LHFPL6: variants seen among roughly 807,000 people sequenced by gnomAD.
LHFPL6 encodes the protein LHFPL tetraspan subfamily member 6.
In LHFPL6, 9 loss-of-function variants were observed where a neutral mutation model predicts 20.6. The observed-to-expected ratio is 0.44, with a 90% CI of 0.26 to 0.76. LHFPL6 has a LOEUF of 0.76. Among genes scored for constraint, LHFPL6 ranks in the 30% least tolerant of loss-of-function variants. The pLI is 0.20. For missense variants in LHFPL6, 218 were observed against 253.5 expected (o/e 0.86, Z 0.95); for synonymous variants, 105 against 98.7 (o/e 1.06, Z -0.38).
intron 2 of LHFPL6, among the ~76,000 whole-genome samples, chr13:39,486,831 G>C (rs1868742663): frequency 6.6e-6 from 1 of 152,198 alleles, no homozygotes; most frequent in Non-Finnish European, 1.5e-5. Flanking sequence ...TAGAACAAGT[G>C]AGTAGCTCTA....
At chr13:39,365,521 T>C (rs1200194836) in intron 3 of LHFPL6, among the ~76,000 whole-genome samples, 1 of 152,170 alleles carries the variant, frequency 6.6e-6, no homozygotes, top group African/African-American at 2.4e-5. Context: ...GAGACTCTTT[T>C]TGGTAAATTA....
At chr13:39,453,666 C>T (rs1228169015) in intron 2 of LHFPL6, among the ~76,000 whole-genome samples, 1 of 152,214 alleles carries the variant, frequency 6.6e-6, no homozygotes, top group African/African-American at 2.4e-5. Context: ...AGTGTTTCTA[C>T]TTCCACCTCA....
At chr13:39,461,471 T>C (rs1342629508) in intron 2 of LHFPL6, among the ~76,000 whole-genome samples, 1 of 152,204 alleles carries the variant, frequency 6.6e-6, no homozygotes, top group African/African-American at 2.4e-5. Flanking sequence ...ATAAGCACTA[T>C]CTGTATAATG....
chr13:39,444,989 C>T (rs967185743), intron 2 of LHFPL6, among the ~76,000 whole-genome samples: 1 of 152,120 alleles, frequency 6.6e-6, no homozygotes, highest in Non-Finnish European at 1.5e-5. Flanking sequence ...GCAGGGCTGC[C>T]CTTATTAATT....
At chr13:39,407,611 GA>G (rs745739640) in intron 2 of LHFPL6, among the ~76,000 whole-genome samples, 67 of 152,070 alleles carry the variant, frequency 4.4e-4, no homozygotes, top group Non-Finnish European at 1.3e-4. Flanking sequence ...GCCTGTAATG[GA>G]AAAAATATCT....
intron 2 of LHFPL6, among the ~76,000 whole-genome samples, chr13:39,567,171 A>G (rs1004033640): frequency 6.6e-6 from 1 of 152,150 alleles, no homozygotes; most frequent in African/African-American, 2.4e-5. Flanking sequence ...CACAGAATTA[A>G]GCAGGAACAC....
intron 2 of LHFPL6, among the ~76,000 whole-genome samples, chr13:39,560,938 C>T (rs943881581): frequency 1.5e-4 from 23 of 152,116 alleles, no homozygotes; most frequent in Non-Finnish European, 1.3e-4. Context: ...TTAGGTCTTA[C>T]CATGGCAAAC....
intron 2 of LHFPL6, among the ~76,000 whole-genome samples, chr13:39,524,989 T>G (rs1278726039): frequency 6.6e-6 from 1 of 152,130 alleles, no homozygotes; most frequent in Non-Finnish European, 1.5e-5. Context: ...GTCATGCTGC[T>G]GATGAAAAAA....
rs375115103 is a variant in LHFPL6, at chr13:39,565,196, T to TA, written c.385+35635dup. Among the ~76,000 whole-genome samples the TA allele has an allele frequency of 6.2e-3, 595 of 95,878 alleles. 4 individuals carry two copies. Among genetic ancestry groups the TA allele is most frequent in the African/African-American group, 0.023 (544 of 24,110 alleles). The allele number at this position is 95,878 out of a possible 152,430, so 62.9% of individuals were successfully genotyped here. A position where few individuals can be genotyped will look rare whatever the true frequency, so the allele number is the denominator to read the frequency against. On this transcript the variant is annotated intron_variant, in intron 2 of 3. Coordinates refer to ENST00000379589, the MANE Select transcript of LHFPL6 (RefSeq NM_005780.3). ...CAGGAGGACAATAAGCCAAGAAAGATAAAACAGAGAAAAAGCAGTTGAATT... is the reference window on the plus strand; with the variant it reads ...CAGGAGGACAATAAGCCAAGAAAGATAAAAACAGAGAAAAAGCAGTTGAATT...
At chr13:39,351,105 C>T (rs1393549171) in intron 3 of LHFPL6, among the ~76,000 whole-genome samples, 3 of 152,142 alleles carry the variant, frequency 2.0e-5, no homozygotes, top group Admixed American at 1.3e-4. Flanking sequence ...ATGTTCTATT[C>T]GGGCACTCAG....
chr13:39,535,698 T>C (rs1423326586), intron 2 of LHFPL6, among the ~76,000 whole-genome samples: 1 of 152,232 alleles, frequency 6.6e-6, no homozygotes, highest in Non-Finnish European at 1.5e-5. Flanking sequence ...TACATAGACA[T>C]GTGTGCTATT....
chr13:39,381,147 T>A (rs1870427621), intron 2 of LHFPL6, among the ~76,000 whole-genome samples: 1 of 152,208 alleles, frequency 6.6e-6, no homozygotes, highest in Non-Finnish European at 1.5e-5. Context: ...TGGGGATTTC[T>A]GACTTAAGCC....
chr13:39,454,628 C>CAAAAAAAAAAAA (rs57933417), intron 2 of LHFPL6, among the ~76,000 whole-genome samples: 1 of 68,584 alleles, frequency 1.5e-5, no homozygotes, highest in South Asian at 5.1e-4. Context: ...GACTCCGTCT[C>CAAAAAAAAAAAA]AAAAAAAAAA....
intron 3 of LHFPL6, among the ~76,000 whole-genome samples, chr13:39,354,126 A>C (rs1329699985): frequency 6.6e-6 from 1 of 152,134 alleles, no homozygotes; most frequent in Non-Finnish European, 1.5e-5. Flanking sequence ...AATATGAAAG[A>C]AGTGTGCCAC....
At chr13:39,355,341 G>C (rs1270711771) in intron 3 of LHFPL6, among the ~76,000 whole-genome samples, 1 of 152,028 alleles carries the variant, frequency 6.6e-6, no homozygotes, top group Non-Finnish European at 1.5e-5. Flanking sequence ...TGAAGCAAAT[G>C]CTAAAGAAAT....
chr13:39,400,279 G>A (rs1017112290), intron 2 of LHFPL6, among the ~76,000 whole-genome samples: 1 of 152,116 alleles, frequency 6.6e-6, no homozygotes, highest in Non-Finnish European at 1.5e-5. Context: ...AAACACTGAC[G>A]TGAGTTCAAT....
chr13:39,596,727 G>C (rs1872783217), intron 2 of LHFPL6, among the ~76,000 whole-genome samples: 1 of 151,756 alleles, frequency 6.6e-6, no homozygotes, highest in Non-Finnish European at 1.5e-5. Context: ...CTTTAAATTA[G>C]AGCAACTGTT....
chr13:39,455,368 G>C (rs1269037285), intron 2 of LHFPL6, among the ~76,000 whole-genome samples: 1 of 152,098 alleles, frequency 6.6e-6, no homozygotes, highest in Non-Finnish European at 1.5e-5. Context: ...AGCATGCTCT[G>C]AAATAACGGA....
chr13:39,453,643 C>T (rs1412487232), intron 2 of LHFPL6, among the ~76,000 whole-genome samples: 1 of 152,190 alleles, frequency 6.6e-6, no homozygotes, highest in East Asian at 1.9e-4. Context: ...TCAGGCCACG[C>T]TATTGGTAAG....
Sources: allele counts gnomAD v4.1 joint callset (sites outside exome capture counted in the v4.1 genomes callset), GRCh38; gene constraint gnomAD v4.1.1; transcripts MANE v1.5; gene names NCBI Gene and HGNC (gene_info 2026-07-23, HGNC 2026-07-21).